The following DPP6 variants were observed in gnomAD, a reference collection of about 807,000 sequenced individuals.
DPP6 encodes dipeptidyl peptidase like 6, also known as A-type potassium channel modulatory protein DPP6.
Under a neutral mutation model 122.6 loss-of-function variants are expected in DPP6, and 69 were observed. The ratio of observed to expected loss-of-function variants is 0.56; its 90% CI spans 0.46 to 0.69. The LOEUF is 0.69. Among genes scored for constraint, DPP6 ranks in the 30% least tolerant of loss-of-function variants. The pLI is 0.00. For missense variants in DPP6, 928 were observed against 1,116.9 expected, an observed-to-expected ratio of 0.83 and a Z score of 2.41; for synonymous variants, 418 against 433.1, an observed-to-expected ratio of 0.97 and a Z score of 0.43.
chr7:154,017,009 C>T (rs778077049), intron 1 of DPP6, among the ~76,000 whole-genome samples: 15 of 152,294 alleles, frequency 9.8e-5, no homozygotes, highest in South Asian at 6.2e-4. Flanking sequence ...TGGGTACAAA[C>T]GTGCAGTTAG....
At chr7:154,324,603 G>C (rs1299256805) in intron 1 of DPP6, among the ~76,000 whole-genome samples, 1 of 152,130 alleles carries the variant, frequency 6.6e-6, no homozygotes, top group African/African-American at 2.4e-5. Flanking sequence ...CAGGCAGCAG[G>C]CTCCATGTCT....
At chr7:153,963,290 T>G (rs1295964351) in intron 1 of DPP6, among the ~76,000 whole-genome samples, 3 of 151,566 alleles carry the variant, frequency 2.0e-5, no homozygotes, top group Non-Finnish European at 3.0e-5. Flanking sequence ...CCCGAGCACC[T>G]GCCACGTGCC....
chr7:153,867,204 G>A, the DPP6 span, among the ~76,000 whole-genome samples: 1 of 152,184 alleles, frequency 6.6e-6, no homozygotes, highest in Admixed American at 6.5e-5. Flanking sequence ...TTGGTAGCTT[G>A]AGGGGGATGG....
At chr7:154,046,183 G>T (rs2129059520) in intron 1 of DPP6, among the ~76,000 whole-genome samples, 1 of 152,318 alleles carries the variant, frequency 6.6e-6, no homozygotes, top group Non-Finnish European at 1.5e-5. Context: ...AAGTGTGTTT[G>T]TTCTGGGGCC....
intron 1 of DPP6, among the ~76,000 whole-genome samples, chr7:153,975,128 G>T (rs1796228848): frequency 6.6e-6 from 1 of 152,086 alleles, no homozygotes. Context: ...GTAAATCTAG[G>T]TACATAGTGG....
intron 1 of DPP6, among the ~76,000 whole-genome samples, chr7:154,211,482 A>T (rs1276222491): frequency 2.0e-5 from 3 of 152,058 alleles, no homozygotes; most frequent in Admixed American, 2.0e-4. Context: ...TTACCAGTTG[A>T]TGTTGTTTAT....
chr7:154,707,025 A>C (rs1840869091), intron 7 of DPP6, among the ~76,000 whole-genome samples: 1 of 152,212 alleles, frequency 6.6e-6, no homozygotes, highest in Non-Finnish European at 1.5e-5. Context: ...TCTTGGCACT[A>C]CACTCTGCCC....
intron 3 of DPP6, among the ~76,000 whole-genome samples, chr7:154,491,692 G>T (rs1222425260): frequency 3.3e-5 from 5 of 152,100 alleles, no homozygotes; most frequent in South Asian, 4.1e-4. Flanking sequence ...AAATAAGATG[G>T]CCCAGCATGG....
At chr7:154,236,334 A>G (rs753484930) in intron 1 of DPP6, among the ~76,000 whole-genome samples, 2 of 152,208 alleles carry the variant, frequency 1.3e-5, no homozygotes, top group African/African-American at 2.4e-5. Context: ...GTCACACAAT[A>G]TATCAGCATG....
chr7:154,457,930 G>A lies in DPP6; in HGVS notation c.358+11602G>A, dbSNP rs1345514323. Among the ~76,000 whole-genome samples the A allele has an allele frequency of 3.9e-5, 5 of 127,622 alleles. 1 individual carries two copies. Among genetic ancestry groups the A allele is most frequent in the Non-Finnish European group, 6.6e-5 (4 of 60,892 alleles). The allele number at this position is 127,622 out of a possible 152,430, so 83.7% of individuals were successfully genotyped here. A position where few individuals can be genotyped will look rare whatever the true frequency, so the allele number is the denominator to read the frequency against. On this transcript the variant is annotated intron_variant, in intron 2 of 25. Transcript: ENST00000377770. ...TGGCACATGTATACATATGTAACTA[G>A]CCTGCACAATGTGCACATGTACCCT...
chr7:153,805,691 T>A, the DPP6 span, among the ~76,000 whole-genome samples: 1 of 152,202 alleles, frequency 6.6e-6, no homozygotes, highest in African/African-American at 2.4e-5. Context: ...CATAAGTTCA[T>A]GTCCTTTGTA....
At chr7:153,899,847 C>A (rs746541261) in intron 1 of DPP6, among the ~76,000 whole-genome samples, 4 of 152,220 alleles carry the variant, frequency 2.6e-5, no homozygotes, top group African/African-American at 4.8e-5. Context: ...GGAAGCTGAA[C>A]TTTGCTTCTT....
At chr7:153,872,736 G>C in the DPP6 span, among the ~76,000 whole-genome samples, 1 of 152,182 alleles carries the variant, frequency 6.6e-6, no homozygotes, top group Non-Finnish European at 1.5e-5. Context: ...CTAAGTGGCA[G>C]AGCCATGATT....
chr7:154,478,738 A>C (rs1372570272), intron 3 of DPP6, among the ~76,000 whole-genome samples: 2 of 152,208 alleles, frequency 1.3e-5, no homozygotes, highest in Non-Finnish European at 2.9e-5. Flanking sequence ...GATAAAATTC[A>C]GGTCTCCTGC....
At chr7:153,991,192 C>A (rs1039652763) in intron 1 of DPP6, among the ~76,000 whole-genome samples, 2 of 151,976 alleles carry the variant, frequency 1.3e-5, no homozygotes, top group African/African-American at 4.8e-5. Context: ...CTTTTGGAAG[C>A]AGATAGCTCA....
intron 21 of DPP6, chr7:154,884,099 CAT>C (rs149650675): frequency 9.0e-4 from 63 of 70,348 alleles, no homozygotes; most frequent in East Asian, 2.1e-3. Context: ...CATGCTCACC[CAT>C]ACACATGCTC....
chr7:154,481,384 T>TGTGC lies in DPP6; in HGVS notation c.457+6348_457+6351dup, dbSNP rs144456991. Among the ~76,000 whole-genome samples, 111 of 152,014 alleles carry TGTGC rather than the reference T, an allele frequency of 7.3e-4. 1 individual carries two copies. In the East Asian group the frequency reaches 0.019, roughly 26 times the overall value. On this transcript the variant is annotated intron_variant, in intron 3 of 25. Coordinates refer to ENST00000377770, the MANE Select transcript of DPP6 (RefSeq NM_130797.4). The surrounding 1 kb of genome is among the most constrained non-coding windows in gnomAD (Gnocchi z 4.2). ...GTGTGTGTGTGTGTGTCTGTGTGTG[T>TGTGC]GTGCATGTCAGTCACTGGCTAATTT...
chr7:154,759,161 C>A (rs1283891391), intron 8 of DPP6, among the ~76,000 whole-genome samples: 1 of 152,218 alleles, frequency 6.6e-6, no homozygotes, highest in Non-Finnish European at 1.5e-5. Context: ...CCCCTCGCCA[C>A]CACCCCGCAG....
At chr7:154,728,125 T>C (rs1411280318) in intron 8 of DPP6, among the ~76,000 whole-genome samples, 1 of 152,134 alleles carries the variant, frequency 6.6e-6, no homozygotes, top group Admixed American at 6.5e-5. Context: ...CTGGGACAGG[T>C]GTGCTGGCTT....
Sources: allele counts gnomAD v4.1 joint callset (sites outside exome capture counted in the v4.1 genomes callset), GRCh38; gene constraint gnomAD v4.1.1; non-coding constraint Gnocchi (gnomAD v3.1); transcripts MANE v1.5; gene names NCBI Gene and HGNC (gene_info 2026-07-23, HGNC 2026-07-21).